The following SIN3A variants were observed in gnomAD, a reference collection of about 807,000 sequenced individuals.
SIN3A encodes SIN3 transcription regulator family member A.
A neutral mutation model predicts 146.1 loss-of-function variants in SIN3A; 14 were observed. The ratio of observed to expected loss-of-function variants is 0.10; its 90% CI spans 0.06 to 0.15. The LOEUF is 0.15. Ranked by LOEUF, SIN3A falls within the 10% of genes least tolerant of loss-of-function variation. The pLI, the probability that SIN3A is intolerant of heterozygous loss-of-function variation, is 1.00. For missense variants in SIN3A, 1,028 were observed against 1,576.0 expected (o/e 0.65, Z 5.89); for synonymous variants, 572 against 572.0 (o/e 1.00, Z 0.00).
rs895713587 is a variant in SIN3A, at chr15:75,371,334, G to A, written c.*645C>T. The A allele has an allele frequency of 7.9e-5, 12 of 152,496 alleles. No individual in the cohort carries two copies. The highest frequency in any genetic ancestry group is 2.2e-4 in the African/African-American group (9 of 41,420). The allele number at this position is 152,496 out of a possible 1,614,324, so 9.4% of individuals were successfully genotyped here. A position where few individuals can be genotyped will look rare whatever the true frequency, so the allele number is the denominator to read the frequency against. On this transcript the variant is annotated 3_prime_UTR_variant, in exon 21 of 21. Coordinates refer to ENST00000394947, the MANE Select transcript of SIN3A (RefSeq NM_001145358.2). ...TAAAAAGGACAACTGATTTGAACTC[G>A]TTGAGGTTGAGAACCAGAGGAGAGA...
intron 18 of SIN3A, among the ~76,000 whole-genome samples, 187 bp downstream of exon 18, chr15:75,381,426 A>G (rs1186451768): frequency 6.6e-6 from 1 of 152,220 alleles, no homozygotes; most frequent in Non-Finnish European, 1.5e-5. Flanking sequence ...GTTAACATCT[A>G]TAACCAGGCA....
intron 12 of SIN3A, among the ~76,000 whole-genome samples, chr15:75,399,421 G>A (rs1225169764): frequency 1.3e-5 from 2 of 152,184 alleles, no homozygotes; most frequent in South Asian, 2.1e-4. Context: ...CCAGCTACTC[G>A]GGAGGCTGAG....
chr15:75,384,008 G>A (rs549115791), intron 17 of SIN3A: 1 of 219,864 alleles, frequency 4.5e-6, no homozygotes, highest in South Asian at 1.4e-4. Context: ...TATGAAAAAT[G>A]TTCAGAGAAA....
Position 75,392,940 on chromosome 15 carries a change from AG to A in SIN3A, c.2278-126del, listed in dbSNP as rs2073235282. On this transcript the variant is annotated intron_variant, in intron 14 of 20. Coordinates refer to ENST00000394947, the MANE Select transcript of SIN3A (RefSeq NM_001145358.2). Reference sequence around the variant, plus strand: ...TCTATATTTTTCTAATCAAAAACTTAGGACCTGGGACTGGGAGCGGTGGCTC... The same window carrying A: ...TCTATATTTTTCTAATCAAAAACTTAGACCTGGGACTGGGAGCGGTGGCTC... 11 of 747,628 alleles carry A rather than the reference AG, an allele frequency of 1.5e-5. No individual in the cohort carries two copies. In the East Asian group the frequency reaches 2.7e-4, roughly 18 times the overall value. The allele number at this position is 747,628 out of a possible 1,614,324, so 46.3% of individuals were successfully genotyped here. A position where few individuals can be genotyped will look rare whatever the true frequency, so the allele number is the denominator to read the frequency against.
chr15:75,414,872 C>T (rs577710609), intron 3 of SIN3A, among the ~76,000 whole-genome samples: 4 of 152,120 alleles, frequency 2.6e-5, no homozygotes, highest in South Asian at 4.2e-4. Context: ...AAATCAAAAG[C>T]GGCAGCACGG....
upstream of SIN3A, among the ~76,000 whole-genome samples, chr15:75,452,258 C>T (rs773258665): frequency 1.9e-4 from 29 of 152,360 alleles, no homozygotes; most frequent in Middle Eastern, 0.017. Flanking sequence ...TAGGAAGGAG[C>T]TAATTCCACC....
intron 12 of SIN3A, among the ~76,000 whole-genome samples, chr15:75,399,065 G>A (rs2073358656): frequency 6.6e-6 from 1 of 151,910 alleles, no homozygotes. Context: ...ACCCAGGCAT[G>A]GTAGCACATG....
rs1412407389 is a variant in SIN3A at position 75,384,444 on chromosome 15, G to T, written c.3022-7C>A. 11 of 1,594,618 alleles carry T rather than the reference G, an allele frequency of 6.9e-6. No homozygotes were observed. Among genetic ancestry groups the T allele is most frequent in the East Asian group, 2.3e-5 (1 of 43,540 alleles). ...CACTCACGATATGCTGCAGCTGGAA[G>T]CAAACAAAGGCAAGCTTTTAGTGAA... On this transcript the variant is annotated splice_region_variant and splice_polypyrimidine_tract_variant and intron_variant, in intron 16 of 20. Coordinates refer to ENST00000394947, the MANE Select transcript of SIN3A (RefSeq NM_001145358.2).
chr15:75,448,798 T>C (rs2074351833), intron 1 of SIN3A, among the ~76,000 whole-genome samples: 1 of 152,190 alleles, frequency 6.6e-6, no homozygotes, highest in South Asian at 2.1e-4. Flanking sequence ...CAGTGTCTTG[T>C]CTGCTCCCAC....
chr15:75,393,764 G>A lies in SIN3A; in HGVS notation c.2277+916C>T, dbSNP rs192678752. ...ACTTTACTTCTGGGGTGGGGGTATGGAGGGTGACAAAGTAACATCAGCAAA... is the reference window on the plus strand; with the variant it reads ...ACTTTACTTCTGGGGTGGGGGTATGAAGGGTGACAAAGTAACATCAGCAAA... On this transcript the variant is annotated intron_variant, in intron 14 of 20. Coordinates refer to ENST00000394947, the MANE Select transcript of SIN3A (RefSeq NM_001145358.2). Among the ~76,000 whole-genome samples the A allele has an allele frequency of 2.0e-5, 3 of 152,108 alleles. No individual in the cohort carries two copies. In the East Asian group the frequency reaches 5.8e-4, roughly 30 times the overall value.
chr15:75,443,845 A>C (rs2074258769), intron 1 of SIN3A: 1 of 152,254 alleles, frequency 6.6e-6, no homozygotes, highest in Non-Finnish European at 1.5e-5. Context: ...CAGAAGTTTG[A>C]GGCTGCAGAG....
At chr15:75,422,493 CAT>C (rs2073855812) in intron 3 of SIN3A, 152 bp downstream of exon 3, 1 of 850,268 alleles carries the variant, frequency 1.2e-6, no homozygotes, top group Admixed American at 2.0e-5. Flanking sequence ...AGATAGGAAA[CAT>C]AAGCAAATTT....
At chr15:75,378,238 T>G (rs2072900895) in intron 19 of SIN3A, among the ~76,000 whole-genome samples, 1 of 152,212 alleles carries the variant, frequency 6.6e-6, no homozygotes, top group Non-Finnish European at 1.5e-5. Context: ...AGCCCACTGA[T>G]GTATAAATTG....
At chr15:75,444,081 T>A (rs985806236) in intron 1 of SIN3A, among the ~76,000 whole-genome samples, 2 of 152,188 alleles carry the variant, frequency 1.3e-5, no homozygotes, top group African/African-American at 4.8e-5. Context: ...CATTTCAATA[T>A]ACAGGAAAAA....
At chr15:75,446,772 T>C (rs2074314694) in intron 1 of SIN3A, among the ~76,000 whole-genome samples, 1 of 151,854 alleles carries the variant, frequency 6.6e-6, no homozygotes, top group South Asian at 2.1e-4. Flanking sequence ...ATTACAGACA[T>C]ATCCTTTTTT....
intron 15 of SIN3A, among the ~76,000 whole-genome samples, chr15:75,390,325 A>G (rs1434630837): frequency 2.0e-5 from 3 of 152,234 alleles, no homozygotes; most frequent in African/African-American, 7.2e-5. Flanking sequence ...AGTGCAAATT[A>G]AATCCTTTAT....
intron 9 of SIN3A, among the ~76,000 whole-genome samples, chr15:75,405,089 A>C (rs1227549608): frequency 6.6e-6 from 1 of 151,850 alleles, no homozygotes; most frequent in Admixed American, 6.6e-5. Context: ...AAAAAAGGCC[A>C]GGTGTGGTGG....
chr15:75,392,548 C>T lies in SIN3A; in HGVS notation c.2545G>A (p.Gly849Arg). The T allele has an allele frequency of 6.2e-7, 1 of 1,614,126 alleles. No individual in the cohort carries two copies. Among genetic ancestry groups the T allele is most frequent in the Non-Finnish European group, 8.5e-7 (1 of 1,180,044 alleles). The change falls in exon 15 of 21, where the codon GGG (glycine) becomes AGG (arginine). Residue 849 changes from glycine to arginine, a missense_variant. Physicochemically the swap from Gly to Arg is moderately radical, Grantham distance 125. This residue lies in a region of SIN3A where 488 missense variants were observed against 690.2 expected (regional missense o/e 0.71). Coordinates refer to ENST00000394947, the MANE Select transcript of SIN3A (RefSeq NM_001145358.2). ...EEEMDVDEAT[G>R]AVKKHNGVGG... is the part of the protein sequence containing the mutation. ...ACACCATTGTGCTTCTTAACTGCCC[C>T]TGTGGCTTCATCTACATCCATCTCT...
At chr15:75,421,953 C>G (rs572914236) in intron 3 of SIN3A, 1 of 146,582 alleles carries the variant, frequency 6.8e-6, no homozygotes. Flanking sequence ...AATTCATTCA[C>G]AGTTACAGTT....
Sources: gnomAD v4.1 joint callset for allele counts (sites outside exome capture counted in the v4.1 genomes callset) on GRCh38, gnomAD v4.1.1 for gene constraint, gnomAD v4.1.1 regional missense constraint, MANE v1.5 for transcripts, NCBI Gene and HGNC (gene_info 2026-07-23, HGNC 2026-07-21) for gene names.